The following PIK3CA variants were observed in gnomAD, a reference collection of about 807,000 sequenced individuals.
The protein encoded by PIK3CA is phosphatidylinositol 4,5-bisphosphate 3-kinase catalytic subunit alpha isoform.
In PIK3CA, 27 loss-of-function variants were observed where a neutral mutation model predicts 138.2. The ratio of observed to expected loss-of-function variants is 0.20; its 90% CI spans 0.14 to 0.27. The LOEUF (loss-of-function observed/expected upper bound fraction) is 0.27. PIK3CA is among the 10% of genes least tolerant of loss of function. The pLI is 1.00. For synonymous variants in PIK3CA, 358 were observed against 413.2 expected (o/e 0.87, Z 1.62); for missense variants, 544 against 1,277.4 (o/e 0.43, Z 8.75).
rs1725341017 is a variant in PIK3CA at position 179,236,780 on chromosome 3, A to C, written c.*2416A>C. On this transcript the variant is annotated 3_prime_UTR_variant, in exon 21 of 21. Coordinates refer to ENST00000263967, the MANE Select transcript of PIK3CA (RefSeq NM_006218.4). ...TGTAGACAAATTCTATAAAGACTATAGATTGTGACCTAAGAAAGAAATGAG... is the reference window on the plus strand; with the variant it reads ...TGTAGACAAATTCTATAAAGACTATCGATTGTGACCTAAGAAAGAAATGAG... 4.6e-6 allele frequency: 1 copy of C among 215,066 alleles called. No individual in the cohort carries two copies. The highest frequency in any genetic ancestry group is 2.3e-5 in the African/African-American group (1 of 44,346). 13.3% of individuals were successfully genotyped at this position (215,066 alleles called of 1,614,324 possible).
rs142911002 is a variant in PIK3CA, at chr3:179,155,083, A to C, written c.-77+6480A>C. Among the ~76,000 whole-genome samples, 439 of 152,300 alleles carry C rather than the reference A, an allele frequency of 2.9e-3. 1 individual carries two copies. The highest frequency in any genetic ancestry group is 9.6e-3 in the African/African-American group (398 of 41,554). The stretch of plus-strand genomic sequence containing the variant: ...AAGAAAAAAACTGTATAGGGATAGA[A>C]TCATTTTGCTCTAATCATAACTCTC... On this transcript the variant is annotated intron_variant, in intron 1 of 20. Transcript: ENST00000263967.
At chr3:179,192,999 A>G (rs1232542159) in intron 1 of PIK3CA, among the ~76,000 whole-genome samples, 2 of 152,218 alleles carry the variant, frequency 1.3e-5, no homozygotes, top group Admixed American at 6.5e-5. Context: ...TCAAATGACA[A>G]TGGAGAATCT....
At chr3:179,213,159 A>G (rs1186121641) in intron 9 of PIK3CA, among the ~76,000 whole-genome samples, 1 of 152,216 alleles carries the variant, frequency 6.6e-6, no homozygotes, top group Non-Finnish European at 1.5e-5. Context: ...CCTCTCTGAG[A>G]TGATAACCTT....
chr3:179,168,554 C>T (rs552948349), intron 1 of PIK3CA, among the ~76,000 whole-genome samples: 1 of 151,948 alleles, frequency 6.6e-6, no homozygotes, highest in East Asian at 1.9e-4. Context: ...CTTTAATTTC[C>T]TTTCTTCCAT....
At position 179,239,359 on chromosome 3, in the gene PIK3CA, T is replaced by G. The variant is rs946410791; in HGVS notation, c.*4995T>G. ...AGGTTGGCAAGGAGGCAGAAAACCT[T>G]CATTGTTTCATATTAAAATATAATT... On this transcript the variant is annotated 3_prime_UTR_variant, in exon 21 of 21. Transcript: ENST00000263967. 3 of 199,182 alleles carry G rather than the reference T, an allele frequency of 1.5e-5. No individual in the cohort carries two copies. The highest frequency in any genetic ancestry group is 6.9e-5 in the African/African-American group (3 of 43,458). 12.3% of individuals were successfully genotyped at this position (199,182 alleles called of 1,614,324 possible). A position where few individuals can be genotyped will look rare whatever the true frequency, so the allele number is the denominator to read the frequency against.
chr3:179,181,400 C>G lies in PIK3CA; in HGVS notation c.-76-17350C>G, dbSNP rs547166537. The stretch of plus-strand genomic sequence containing the variant: ...ATAAATACGGCACTGTTATTTAGAT[C>G]TTAGTGCTAATGATACTATTGTGAG... On this transcript the variant is annotated intron_variant, in intron 1 of 20. Transcript: ENST00000263967. Among the ~76,000 whole-genome samples the G allele has an allele frequency of 5.9e-5, 9 of 151,926 alleles. No homozygotes were observed. In the South Asian group the frequency reaches 1.9e-3, roughly 31 times the overall value.
intron 9 of PIK3CA, among the ~76,000 whole-genome samples, chr3:179,214,495 G>A (rs2108405040): frequency 6.6e-6 from 1 of 152,138 alleles, no homozygotes; most frequent in South Asian, 2.1e-4. Flanking sequence ...ATTGGCTCAT[G>A]GCACCCCCAA....
In PIK3CA at chr3:179,150,015, GT is replaced by G. The variant is rs113847531; in HGVS notation, c.-77+1424del. On this transcript the variant is annotated intron_variant, in intron 1 of 20. Coordinates refer to ENST00000263967, the MANE Select transcript of PIK3CA (RefSeq NM_006218.4). ...TGTATTCAGGTTTTAAGTTTTTGGT[GT>G]TTTTTTTTTTTCCTTTTAACTGAAG... Among the ~76,000 whole-genome samples the G allele has an allele frequency of 6.2e-3, 900 of 145,726 alleles. 3 individuals are homozygous for G. The highest frequency in any genetic ancestry group is 0.018 in the African/African-American group (743 of 40,388).
chr3:179,157,499 T>A (rs1459922935), intron 1 of PIK3CA, among the ~76,000 whole-genome samples: 1 of 152,144 alleles, frequency 6.6e-6, no homozygotes, highest in Non-Finnish European at 1.5e-5. Flanking sequence ...GACTCTAGAT[T>A]TCTTCAAAAT....
chr3:179,188,279 G>A (rs1323673844), intron 1 of PIK3CA, among the ~76,000 whole-genome samples: 2 of 152,156 alleles, frequency 1.3e-5, no homozygotes, highest in East Asian at 1.9e-4. Flanking sequence ...CACTAGTTAG[G>A]CTCTCTTTGT....
chr3:179,168,520 C>T (rs1576917436), intron 1 of PIK3CA, among the ~76,000 whole-genome samples: 1 of 152,232 alleles, frequency 6.6e-6, no homozygotes, highest in East Asian at 1.9e-4. Context: ...GTCTCTCCAG[C>T]TCCCAGATGT....
rs200954525 is a variant in PIK3CA at position 179,160,783 on chromosome 3, GATGACTTGAGATTTTTCAAGAAAA to G, written c.-77+12184_-77+12207del. On this transcript the variant is annotated intron_variant, in intron 1 of 20. Coordinates refer to ENST00000263967, the MANE Select transcript of PIK3CA (RefSeq NM_006218.4). ...AAAACCACATACATTATACTTTATG[GATGACTTGAGATTTTTCAAGAAAA>G]ATGTCGATTCTGTACAATCATAGAC... Among the ~76,000 whole-genome samples, 1,009 of 152,232 alleles carry G rather than the reference GATGACTTGAGATTTTTCAAGAAAA, an allele frequency of 6.6e-3. 13 individuals carry two copies. The highest frequency in any genetic ancestry group is 0.035 in the Admixed American group (533 of 15,292).
At chr3:179,204,364 C>T (rs892648268) in intron 5 of PIK3CA, 139 bp from the exon 6 acceptor site, 2 of 485,460 alleles carry the variant, frequency 4.1e-6, no homozygotes, top group Non-Finnish European at 7.7e-6. Context: ...TCAGTATTAA[C>T]GTGTTACATA....
rs375084963 is a variant in PIK3CA, at chr3:179,182,050, T to C, written c.-76-16700T>C. ...CTTTAATCTCTTCAGTCGTTCCCTTTCCTGAATTACCTCTTTACTCCCTAG... is the reference window on the plus strand; with the variant it reads ...CTTTAATCTCTTCAGTCGTTCCCTTCCCTGAATTACCTCTTTACTCCCTAG... On this transcript the variant is annotated intron_variant, in intron 1 of 20. Transcript: ENST00000263967. Among the ~76,000 whole-genome samples, 50 of 152,364 alleles carry C rather than the reference T, an allele frequency of 3.3e-4. No homozygotes were observed. In the East Asian group the frequency reaches 4.2e-3, roughly 13 times the overall value.
intron 1 of PIK3CA, among the ~76,000 whole-genome samples, chr3:179,192,308 G>C (rs1340454254): frequency 6.6e-6 from 1 of 152,208 alleles, no homozygotes; most frequent in Non-Finnish European, 1.5e-5. Context: ...AGAGAAAGTG[G>C]AACTGAGGGA....
chr3:179,150,015 G>T (rs55676624), intron 1 of PIK3CA, among the ~76,000 whole-genome samples: 37,771 of 145,666 alleles, frequency 0.26, 5,707 homozygotes, highest in African/African-American at 0.43. Flanking sequence ...AGTTTTTGGT[G>T]TTTTTTTTTT....
intron 9 of PIK3CA, among the ~76,000 whole-genome samples, chr3:179,216,853 C>T (rs938646444): frequency 6.6e-6 from 1 of 152,072 alleles, no homozygotes; most frequent in Non-Finnish European, 1.5e-5. Flanking sequence ...GTAGCAGCTT[C>T]TTTTCCTGAT....
chr3:179,201,993 C>T (rs377320159), intron 4 of PIK3CA, among the ~76,000 whole-genome samples: 12 of 152,042 alleles, frequency 7.9e-5, no homozygotes, highest in African/African-American at 2.2e-4. Flanking sequence ...GTGATTAATT[C>T]GAGAGGCTGA....
At chr3:179,154,178 G>A (rs1024745797) in intron 1 of PIK3CA, among the ~76,000 whole-genome samples, 1 of 152,042 alleles carries the variant, frequency 6.6e-6, no homozygotes, top group Non-Finnish European at 1.5e-5. Flanking sequence ...TGTCTAATAC[G>A]TATTAGAGAG....
Sources: gnomAD v4.1 joint callset for allele counts (sites outside exome capture counted in the v4.1 genomes callset) on GRCh38, gnomAD v4.1.1 for gene constraint, MANE v1.5 for transcripts, NCBI Gene and HGNC (gene_info 2026-07-23, HGNC 2026-07-21) for gene names.